The following ABHD18 variants were observed in gnomAD, a reference collection of about 807,000 sequenced individuals.
The protein encoded by ABHD18 is abhydrolase domain containing 18.
A neutral mutation model predicts 65.9 loss-of-function variants in ABHD18; 55 were observed. That is an observed-to-expected ratio of 0.84 (90% CI 0.67 to 1.05). The LOEUF is 1.05. Among genes scored for constraint, ABHD18 ranks in the 50% least tolerant of loss-of-function variants. The pLI is 0.00. For missense variants in ABHD18, 533 were observed against 558.5 expected, an observed-to-expected ratio of 0.95 and a Z score of 0.46; for synonymous variants, 181 against 180.2, an observed-to-expected ratio of 1.00 and a Z score of -0.04.
intron 1 of ABHD18, among the ~76,000 whole-genome samples, chr4:127,977,227 C>T (rs1410737817): frequency 6.8e-6 from 1 of 146,630 alleles, no homozygotes; most frequent in East Asian, 2.0e-4. Context: ...AATCCCAGCC[C>T]TTTGGGAGGC....
Position 128,038,229 on chromosome 4 carries a change from A to T in ABHD18, c.*2416A>T, listed in dbSNP as rs1387842357. ...ACACTGTACAGCTCTTTGAGCTATA[A>T]GCAATTTTACATGTTCAGATGAGAA... On this transcript the variant is annotated 3_prime_UTR_variant, in exon 13 of 13. Transcript: ENST00000645843. The T allele has an allele frequency of 6.6e-6, 1 of 152,226 alleles. No individual in the cohort carries two copies. Among genetic ancestry groups the T allele is most frequent in the East Asian group, 1.9e-4 (1 of 5,198 alleles). The allele number at this position is 152,226 out of a possible 1,614,324, so 9.4% of individuals were successfully genotyped here.
intron 1 of ABHD18, among the ~76,000 whole-genome samples, chr4:127,967,359 G>A (rs1457373238): frequency 2.0e-5 from 3 of 152,086 alleles, no homozygotes; most frequent in African/African-American, 7.2e-5. Context: ...AAGAAATGCA[G>A]GACTCCTGAT....
intron 4 of ABHD18, among the ~76,000 whole-genome samples, chr4:127,998,824 A>G (rs992774236): frequency 6.6e-6 from 1 of 152,166 alleles, no homozygotes; most frequent in African/African-American, 2.4e-5. Flanking sequence ...TTTAAATTAT[A>G]TGAATTGTCT....
chr4:127,977,021 A>G (rs1748059888), intron 1 of ABHD18, among the ~76,000 whole-genome samples: 5 of 152,144 alleles, frequency 3.3e-5, no homozygotes, highest in African/African-American at 4.8e-5. Context: ...AGCCTGGGCG[A>G]CAGAGCGACA....
intron 12 of ABHD18, among the ~76,000 whole-genome samples, chr4:128,033,226 C>A (rs1758457294): frequency 6.6e-6 from 1 of 152,056 alleles, no homozygotes. Flanking sequence ...TGCACTCCAG[C>A]CTGGGTGACA....
chr4:127,966,359 T>C (rs943314797), intron 1 of ABHD18, among the ~76,000 whole-genome samples: 2 of 152,140 alleles, frequency 1.3e-5, no homozygotes, highest in Non-Finnish European at 2.9e-5. Context: ...TCCAGACAAG[T>C]TAACCCAGAG....
chr4:128,023,850 C>T (rs776521930), intron 10 of ABHD18, among the ~76,000 whole-genome samples: 5 of 152,136 alleles, frequency 3.3e-5, no homozygotes, highest in Non-Finnish European at 4.4e-5. Flanking sequence ...CGCCACTGCA[C>T]GCCAGCCTGG....
At chr4:127,968,308 G>A (rs1013402077) in intron 1 of ABHD18, among the ~76,000 whole-genome samples, 6 of 152,230 alleles carry the variant, frequency 3.9e-5, no homozygotes, top group African/African-American at 1.4e-4. Flanking sequence ...TAGGGAAGTA[G>A]ATTTTAACAG....
At chr4:127,984,942 A>G (rs1749710837) in intron 3 of ABHD18, among the ~76,000 whole-genome samples, 1 of 152,214 alleles carries the variant, frequency 6.6e-6, no homozygotes, top group South Asian at 2.1e-4. Context: ...TATTGGAAGC[A>G]TATGTTTATT....
rs1419039112 is a variant in ABHD18, at chr4:128,008,912, A to G, written c.279-8A>G. On this transcript the variant is annotated splice_region_variant and splice_polypyrimidine_tract_variant and intron_variant, in intron 4 of 12. Transcript: ENST00000645843. ...ATTTTATTGATAAGTCTATGCTTTT[A>G]AAAATAGGTTCCAATTTATTGTGCC... 1.3e-6 allele frequency: 2 copies of G among 1,593,008 alleles called. No individual in the cohort carries two copies. The highest frequency in any genetic ancestry group is 2.7e-5 in the African/African-American group (2 of 74,224).
At chr4:127,981,064 G>A (rs900606965) in intron 1 of ABHD18, among the ~76,000 whole-genome samples, 1 of 152,080 alleles carries the variant, frequency 6.6e-6, no homozygotes, top group Non-Finnish European at 1.5e-5. Context: ...TAGATTTCAA[G>A]AGGTGTATGA....
At chr4:128,007,424 A>G (rs901483297) in intron 4 of ABHD18, among the ~76,000 whole-genome samples, 3 of 151,950 alleles carry the variant, frequency 2.0e-5, no homozygotes, top group African/African-American at 7.3e-5. Context: ...AAAACATTAA[A>G]TAAGGACCAA....
intron 10 of ABHD18, among the ~76,000 whole-genome samples, chr4:128,026,087 G>A (rs1177370860): frequency 1.3e-5 from 2 of 152,060 alleles, no homozygotes; most frequent in Admixed American, 6.6e-5. Context: ...TCAGGAGTTT[G>A]AGACCAGCCT....
chr4:128,008,917 T>C lies in ABHD18; in HGVS notation c.279-3T>C, dbSNP rs762357742. On this transcript the variant is annotated splice_region_variant and splice_polypyrimidine_tract_variant and intron_variant, in intron 4 of 12. Coordinates refer to ENST00000645843, the MANE Select transcript of ABHD18 (RefSeq NM_001358451.3). ...ATTGATAAGTCTATGCTTTTAAAAATAGGTTCCAATTTATTGTGCCTAAAG... is the reference window on the plus strand; with the variant it reads ...ATTGATAAGTCTATGCTTTTAAAAACAGGTTCCAATTTATTGTGCCTAAAG... 1.4e-5 allele frequency: 23 copies of C among 1,596,894 alleles called. No individual in the cohort carries two copies. In the East Asian group the frequency reaches 5.2e-4, roughly 36 times the overall value.
At chr4:128,035,553 CAG>C (rs1423882271) in intron 12 of ABHD18, among the ~76,000 whole-genome samples, 1 of 151,888 alleles carries the variant, frequency 6.6e-6, no homozygotes, top group African/African-American at 2.4e-5. Context: ...GCCTGGGCGA[CAG>C]AGCGAGACCC....
In ABHD18 at chr4:127,989,763, G is replaced by T. The variant is rs1216948195; in HGVS notation, c.220G>T (p.Val74Phe). 1.0e-5 allele frequency: 16 copies of T among 1,602,466 alleles called. No homozygotes were observed. The highest frequency in any genetic ancestry group is 1.4e-5 in the Non-Finnish European group (16 of 1,174,382). ...TTGTAAGATCTTAGATGGACACTTT[G>T]TTTCCCCCATGGCTCACTATGTGCC... ...SDCKILDGHF[V>F]SPMAHYVPDI... Residue 74 changes from valine (V) to phenylalanine (F), a missense_variant, in exon 4 of 13, where the codon GTT (valine) becomes TTT (phenylalanine). Coordinates refer to ENST00000645843, the MANE Select transcript of ABHD18 (RefSeq NM_001358451.3).
At chr4:128,032,274 T>A (rs757473335) in intron 12 of ABHD18, among the ~76,000 whole-genome samples, 1 of 152,206 alleles carries the variant, frequency 6.6e-6, no homozygotes, top group Admixed American at 6.6e-5. Context: ...GTGGAGTCAC[T>A]ACTAAGCTAT....
At chr4:127,972,182 A>G (rs927204705) in intron 1 of ABHD18, among the ~76,000 whole-genome samples, 1 of 152,214 alleles carries the variant, frequency 6.6e-6, no homozygotes, top group Admixed American at 6.5e-5. Context: ...GCCTCTTCCT[A>G]TGGACTCAGG....
At chr4:127,974,612 A>C (rs991458256) in intron 1 of ABHD18, among the ~76,000 whole-genome samples, 19 of 151,974 alleles carry the variant, frequency 1.3e-4, no homozygotes, top group African/African-American at 4.1e-4. Flanking sequence ...GGCTCAAGCT[A>C]TCCACCCGTG....
Sources: gnomAD v4.1 joint callset for allele counts (sites outside exome capture counted in the v4.1 genomes callset) on GRCh38, gnomAD v4.1.1 for gene constraint, MANE v1.5 for transcripts, NCBI Gene and HGNC (gene_info 2026-07-23, HGNC 2026-07-21) for gene names.